The following NLRP2 variants were observed in gnomAD, a reference collection of about 807,000 sequenced individuals.
NLRP2 encodes the protein NLR family pyrin domain containing 2.
In NLRP2, 107 loss-of-function variants were observed where a neutral mutation model predicts 97.2. The observed-to-expected ratio is 1.10, with a 90% confidence interval of 0.94 to 1.29. The LOEUF (loss-of-function observed/expected upper bound fraction) is 1.29, where lower values mean the gene tolerates loss of function less well. NLRP2 is among the 50% of genes most tolerant of loss of function. NLRP2 has a pLI of 0.00. For synonymous variants in NLRP2, 663 were observed against 551.5 expected, an observed-to-expected ratio of 1.20 and a Z score of -2.83; for missense variants, 1,495 against 1,330.3, an observed-to-expected ratio of 1.12 and a Z score of -1.93.
At position 54,970,270 on chromosome 19, in the gene NLRP2, T is replaced by A; in HGVS notation, c.255T>A (p.Ser85=). 2.5e-6 allele frequency: 4 copies of A among 1,614,130 alleles called. No homozygotes were observed. Among genetic ancestry groups the A allele is most frequent in the Non-Finnish European group, 3.4e-6 (4 of 1,180,010 alleles). The change falls in exon 2 of 13, where the codon TCT becomes TCA. Residue 85 remains serine (S), a synonymous_variant. Coordinates refer to ENST00000448584, the MANE Select transcript of NLRP2 (RefSeq NM_017852.5). ...AAAAGATGCACCGAATGGATCTGTC[T>A]GAGAGAGCAAAGGATGAAGTCAGAG... ...VFEKMHRMDL[S]ERAKDEVREA...
At chr19:54,992,603 C>T (rs1204398700) in intron 10 of NLRP2, among the ~76,000 whole-genome samples, 15 of 116,630 alleles carry the variant, frequency 1.3e-4, no homozygotes, top group South Asian at 2.9e-4. Context: ...CTTGCTCTGT[C>T]GCCCAGGCTG....
chr19:55,001,031 C>A lies in NLRP2; in HGVS notation c.*133C>A. 1.3e-6 allele frequency: 1 copy of A among 772,290 alleles called. No homozygotes were observed. The highest frequency in any genetic ancestry group is 2.5e-5 in the East Asian group (1 of 39,634). The allele number at this position is 772,290 out of a possible 1,614,324, so 47.8% of individuals were successfully genotyped here. On this transcript the variant is annotated 3_prime_UTR_variant, in exon 13 of 13. Coordinates refer to ENST00000448584, the MANE Select transcript of NLRP2 (RefSeq NM_017852.5). ...TCATTGCTGGGCTAGATGTTTTAGC[C>A]ATGATTCTGCCTCTGTTTTATACCT...
chr19:54,980,739 C>T (rs1187162944), intron 4 of NLRP2, among the ~76,000 whole-genome samples: 2 of 152,036 alleles, frequency 1.3e-5, no homozygotes, highest in African/African-American at 2.4e-5. Flanking sequence ...CGTTTCATGG[C>T]AAACAGGGAG....
At chr19:54,970,420 G>A (rs1208898514) in intron 2 of NLRP2, 125 bp downstream of exon 2, 1 of 1,104,086 alleles carries the variant, frequency 9.1e-7, no homozygotes. Flanking sequence ...GGAGGCTGAG[G>A]CGGTTGGACC....
chr19:54,997,891 TAGGTTTATAAGC>T (rs2072926046), intron 12 of NLRP2, among the ~76,000 whole-genome samples: 1 of 151,042 alleles, frequency 6.6e-6, no homozygotes, highest in Non-Finnish European at 1.5e-5. Flanking sequence ...CCTGAGTAGG[TAGGTTTATAAGC>T]ATGAACCATT....
chr19:54,999,321 A>G (rs962973355), intron 12 of NLRP2, among the ~76,000 whole-genome samples: 13 of 152,000 alleles, frequency 8.6e-5, no homozygotes, highest in African/African-American at 3.1e-4. Flanking sequence ...CTAATCTTGT[A>G]TTTTTAATAG....
chr19:54,984,791 CTA>C (rs919879195), intron 6 of NLRP2, among the ~76,000 whole-genome samples: 1 of 151,924 alleles, frequency 6.6e-6, no homozygotes, highest in African/African-American at 2.4e-5. Context: ...TCTATATTCT[CTA>C]TCTTTTATCA....
At chr19:54,999,987 T>C (rs901874042) in intron 12 of NLRP2, among the ~76,000 whole-genome samples, 2 of 152,124 alleles carry the variant, frequency 1.3e-5, no homozygotes, top group Admixed American at 6.5e-5. Context: ...TCTGCCCACC[T>C]CACTCTCCCA....
chr19:54,997,283 C>G (rs1248463178), intron 11 of NLRP2, 34 bp from the exon 12 acceptor site: 8 of 1,609,072 alleles, frequency 5.0e-6, no homozygotes, highest in Non-Finnish European at 5.9e-6. Context: ...TCAGCACTGG[C>G]TGCATTAACG....
chr19:54,966,992 C>T (rs1190959668), intron 1 of NLRP2, among the ~76,000 whole-genome samples: 1 of 151,646 alleles, frequency 6.6e-6, no homozygotes, highest in Non-Finnish European at 1.5e-5. Context: ...TGGGAGGGTG[C>T]CACCACATCT....
In NLRP2 at chr19:54,985,076, T is replaced by G. The variant is rs1452391379; in HGVS notation, c.2060T>G (p.Phe687Cys). 1 of 1,614,022 alleles carries G rather than the reference T, an allele frequency of 6.2e-7. No individual in the cohort carries two copies. Among genetic ancestry groups the G allele is most frequent in the Non-Finnish European group, 8.5e-7 (1 of 1,180,028 alleles). ...RSQDDQHMLP[F>C]WTDLCSIFGS... is the part of the protein sequence containing the mutation. ...CAGGATGATCAGCACATGCTTCCTT[T>G]CTGGACGGACCTTTGTTCCATATTT... Residue 687 changes from phenylalanine to cysteine, a missense_variant, in exon 7 of 13, where the codon TTC becomes TGC. Coordinates refer to ENST00000448584, the MANE Select transcript of NLRP2 (RefSeq NM_017852.5).
intron 2 of NLRP2, among the ~76,000 whole-genome samples, chr19:54,971,069 G>T (rs1405419270): frequency 3.5e-5 from 5 of 143,692 alleles, no homozygotes; most frequent in East Asian, 4.1e-4. Context: ...AGAATATGCG[G>T]TGTTTGGTTT....
At chr19:54,974,695 G>A (rs1223448725) in intron 3 of NLRP2, 151 bp downstream of exon 3, 10 of 667,926 alleles carry the variant, frequency 1.5e-5, no homozygotes, top group Middle Eastern at 4.9e-4. Context: ...TCGCAGGTGC[G>A]TAGCAGTAAG....
Position 55,001,036 on chromosome 19 carries a change from T to C in NLRP2, c.*138T>C, listed in dbSNP as rs191178293. On this transcript the variant is annotated 3_prime_UTR_variant, in exon 13 of 13. Transcript: ENST00000448584. The stretch of plus-strand genomic sequence containing the variant: ...GCTGGGCTAGATGTTTTAGCCATGA[T>C]TCTGCCTCTGTTTTATACCTGCACA... The C allele has an allele frequency of 5.3e-6, 4 of 752,776 alleles. No homozygotes were observed. The highest frequency in any genetic ancestry group is 5.1e-5 in the East Asian group (2 of 39,332). The allele number at this position is 752,776 out of a possible 1,614,324, so 46.6% of individuals were successfully genotyped here.
At chr19:54,994,058 G>C (rs754586990) in intron 10 of NLRP2, 3 of 645,666 alleles carry the variant, frequency 4.6e-6, no homozygotes, top group Non-Finnish European at 5.6e-6. Context: ...TCACCTCTAC[G>C]AGGTCCCTTT....
intron 1 of NLRP2, among the ~76,000 whole-genome samples, chr19:54,968,312 C>G (rs905622941): frequency 6.6e-6 from 1 of 151,608 alleles, no homozygotes; most frequent in African/African-American, 2.4e-5. Flanking sequence ...TCCCAAAGTG[C>G]GGGGATTGCA....
chr19:54,975,590 T>C (rs1311908193), intron 3 of NLRP2, among the ~76,000 whole-genome samples: 2 of 149,946 alleles, frequency 1.3e-5, no homozygotes, highest in East Asian at 4.0e-4. Context: ...TAGCTGGGAC[T>C]ACAGGCGCCC....
At chr19:54,984,329 G>GGTTTTTTTTTTTTTT (rs1329961462) in intron 6 of NLRP2, among the ~76,000 whole-genome samples, 5 of 79,670 alleles carry the variant, frequency 6.3e-5, no homozygotes, top group African/African-American at 1.4e-4. Flanking sequence ...TTTTTTTTGT[G>GGTTTTTTTTTTTTTT]TTTTTTTTTT....
intron 6 of NLRP2, among the ~76,000 whole-genome samples, 182 bp from the exon 7 acceptor site, chr19:54,984,865 A>G (rs2071944650): frequency 1.3e-5 from 2 of 152,164 alleles, no homozygotes; most frequent in Admixed American, 6.6e-5. Flanking sequence ...TAAGAAGAAT[A>G]GGTTCTTTCT....
Sources: gnomAD v4.1 joint callset for allele counts (sites outside exome capture counted in the v4.1 genomes callset) on GRCh38, gnomAD v4.1.1 for gene constraint, MANE v1.5 for transcripts, NCBI Gene and HGNC (gene_info 2026-07-23, HGNC 2026-07-21) for gene names.